Variants in ORC5 observed in about 807,000 individuals in gnomAD.
ORC5 encodes the protein origin recognition complex subunit 5.
A neutral mutation model predicts 58.8 loss-of-function variants in ORC5; 39 were observed. That is an observed-to-expected ratio of 0.66 (90% CI 0.51 to 0.87). The LOEUF is 0.87. ORC5 is among the 40% of genes least tolerant of loss of function. The probability of loss-of-function intolerance (pLI) is 0.00; values close to 1 mark genes in which losing one functional copy is unlikely to be tolerated. For missense variants in ORC5, 493 were observed against 506.3 expected, an observed-to-expected ratio of 0.97 and a Z score of 0.25; for synonymous variants, 218 against 177.6, an observed-to-expected ratio of 1.23 and a Z score of -1.81.
At chr7:104,164,831 A>G (rs142232601) in intron 11 of ORC5, among the ~76,000 whole-genome samples, 194 of 152,246 alleles carry the variant, frequency 1.3e-3, no homozygotes, top group African/African-American at 4.3e-3. Context: ...GGTCACCTCA[A>G]TATCTACCTA....
chr7:104,153,089 C>T (rs1029852836), intron 12 of ORC5, among the ~76,000 whole-genome samples: 3 of 152,110 alleles, frequency 2.0e-5, no homozygotes, highest in Non-Finnish European at 2.9e-5. Context: ...TTTATCCCTG[C>T]GCAGTAAAAT....
At chr7:104,194,095 G>C (rs894425012) in intron 5 of ORC5, among the ~76,000 whole-genome samples, 1 of 132,534 alleles carries the variant, frequency 7.5e-6, no homozygotes, top group South Asian at 2.4e-4. Flanking sequence ...CACAGGTACA[G>C]AGCCTTTTTT....
Position 104,126,750 on chromosome 7 carries a change from G to A in ORC5, c.*98C>T, listed in dbSNP as rs577993299. On this transcript the variant is annotated 3_prime_UTR_variant, in exon 14 of 14. Transcript: ENST00000297431. ...AGCACCTGTTTGGACAAATCCAATA[G>A]AGCCAAAGAACTCCTCTCCTTGGCC... The A allele has an allele frequency of 2.5e-5, 20 of 807,054 alleles. No homozygotes were observed. The African/African-American group carries it at 3.4e-4, about 14-fold the overall frequency. 50.0% of individuals were successfully genotyped at this position (807,054 alleles called of 1,614,324 possible).
chr7:104,126,540 T>G lies in ORC5; in HGVS notation c.*308A>C, dbSNP rs1798431418. ...TCACAGAGCAAAATGTAGTCCTAAG[T>G]AAATGGGTTTCAGGCAATTTCAGTG... On this transcript the variant is annotated 3_prime_UTR_variant, in exon 14 of 14. Coordinates refer to ENST00000297431, the MANE Select transcript of ORC5 (RefSeq NM_002553.4). 1 of 260,876 alleles carries G rather than the reference T, an allele frequency of 3.8e-6. No homozygotes were observed. The highest frequency in any genetic ancestry group is 2.2e-5 in the African/African-American group (1 of 45,200). The allele number at this position is 260,876 out of a possible 1,614,324, so 16.2% of individuals were successfully genotyped here.
chr7:104,127,633 T>C (rs895260488), intron 13 of ORC5, among the ~76,000 whole-genome samples: 1 of 152,222 alleles, frequency 6.6e-6, no homozygotes, highest in Non-Finnish European at 1.5e-5. Flanking sequence ...AGTATTCAAT[T>C]CTGCAAAAAT....
At chr7:104,155,653 G>C (rs1428445905) in intron 12 of ORC5, among the ~76,000 whole-genome samples, 1 of 151,358 alleles carries the variant, frequency 6.6e-6, no homozygotes. Flanking sequence ...CTATACCAAT[G>C]ATTTTAGAAA....
In ORC5 at chr7:104,136,761, C is replaced by T. The variant is rs762896326; in HGVS notation, c.1262+20G>A. 4.8e-6 allele frequency: 7 copies of T among 1,448,042 alleles called. No individual in the cohort carries two copies. In the South Asian group the frequency reaches 8.0e-5, roughly 17 times the overall value. The allele number at this position is 1,448,042 out of a possible 1,614,324, so 89.7% of individuals were successfully genotyped here. On this transcript the variant is annotated intron_variant, in intron 13 of 13. Transcript: ENST00000297431. This position sits in a 1 kb window ranked among gnomAD's most constrained non-coding sequence, Gnocchi z 4.2. ...AATTTTTATATTTAGTATATCATTA[C>T]ATAATTCAAGACATTTTACCTTGCA...
At chr7:104,156,692 T>C (rs144851642) in intron 12 of ORC5, among the ~76,000 whole-genome samples, 303 of 151,884 alleles carry the variant, frequency 2.0e-3, no homozygotes, top group Middle Eastern at 6.9e-3. Flanking sequence ...AACAGGTGAA[T>C]ACAAAAATAA....
intron 9 of ORC5, 109 bp downstream of exon 9, chr7:104,168,364 C>A: frequency 6.7e-7 from 1 of 1,484,712 alleles, no homozygotes; most frequent in Non-Finnish European, 9.0e-7. Flanking sequence ...AGTAAATTCT[C>A]TTTTATAACA....
At chr7:104,184,680 C>T (rs1322916838) in intron 6 of ORC5, among the ~76,000 whole-genome samples, 1 of 151,570 alleles carries the variant, frequency 6.6e-6, no homozygotes, top group Non-Finnish European at 1.5e-5. Flanking sequence ...ACAAGAACAG[C>T]CCTGAAAAGC....
chr7:104,173,996 C>T (rs549580644), intron 8 of ORC5, among the ~76,000 whole-genome samples: 10 of 151,484 alleles, frequency 6.6e-5, no homozygotes, highest in African/African-American at 2.2e-4. Context: ...AGGCGCCCGC[C>T]ACTACGCCCG....
At chr7:104,177,709 T>C (rs1185648740) in intron 8 of ORC5, among the ~76,000 whole-genome samples, 3 of 152,182 alleles carry the variant, frequency 2.0e-5, no homozygotes, top group African/African-American at 7.2e-5. Context: ...TTTGTCCTAA[T>C]GCTCTCCCTC....
intron 12 of ORC5, among the ~76,000 whole-genome samples, chr7:104,142,331 C>T (rs1049800852): frequency 6.6e-6 from 1 of 151,978 alleles, no homozygotes; most frequent in African/African-American, 2.4e-5. Context: ...TTAGTTTTGG[C>T]AATGATTTTT....
At chr7:104,182,044 G>A (rs1290702381) in intron 8 of ORC5, among the ~76,000 whole-genome samples, 2 of 152,132 alleles carry the variant, frequency 1.3e-5, no homozygotes, top group Non-Finnish European at 2.9e-5. Flanking sequence ...CATTGTATTT[G>A]AGTTTTAATC....
chr7:104,169,984 C>T (rs1020196913), intron 8 of ORC5, among the ~76,000 whole-genome samples: 1 of 152,140 alleles, frequency 6.6e-6, no homozygotes, highest in Admixed American at 6.5e-5. Flanking sequence ...ACATCAAGGT[C>T]GTCCTAAGAA....
In ORC5 at chr7:104,155,562, AATT is replaced by A. The variant is rs558791970; in HGVS notation, c.1149+5507_1149+5509del. Among the ~76,000 whole-genome samples, 857 of 151,658 alleles carry A rather than the reference AATT, an allele frequency of 5.7e-3. 9 individuals carry two copies. The highest frequency in any genetic ancestry group is 6.9e-3 in the Non-Finnish European group (466 of 67,600). On this transcript the variant is annotated intron_variant, in intron 12 of 13. Coordinates refer to ENST00000297431, the MANE Select transcript of ORC5 (RefSeq NM_002553.4). ...AGAATTATAGTAAACTACTTTCAAA[AATT>A]ATTTTCCAAAATGCAAATTGATCGA...
At chr7:104,135,253 A>T (rs1411965597) in intron 13 of ORC5, among the ~76,000 whole-genome samples, 1 of 152,196 alleles carries the variant, frequency 6.6e-6, no homozygotes, top group Non-Finnish European at 1.5e-5. Context: ...TTAGATATAA[A>T]GTTCCAATAT....
At chr7:104,180,248 A>C (rs1439342758) in intron 8 of ORC5, among the ~76,000 whole-genome samples, 6 of 152,234 alleles carry the variant, frequency 3.9e-5, no homozygotes. Context: ...TGGGCTTCCC[A>C]TAAGGAGAAG....
At position 104,146,569 on chromosome 7, in the gene ORC5, A is replaced by G. The variant is rs1328193159; in HGVS notation, c.1150-9676T>C. Among the ~76,000 whole-genome samples, 3 of 152,208 alleles carry G rather than the reference A, an allele frequency of 2.0e-5. No homozygotes were observed. The East Asian group carries it at 5.8e-4, about 29-fold the overall frequency. ...AGAAGTTAATTCCCAAGTGTTATATACTATATGATTATGCTTAAACAAATT... is the reference window on the plus strand; with the variant it reads ...AGAAGTTAATTCCCAAGTGTTATATGCTATATGATTATGCTTAAACAAATT... On this transcript the variant is annotated intron_variant, in intron 12 of 13. Coordinates refer to ENST00000297431, the MANE Select transcript of ORC5 (RefSeq NM_002553.4).
Sources: gnomAD v4.1 joint callset for allele counts (sites outside exome capture counted in the v4.1 genomes callset) on GRCh38, gnomAD v4.1.1 for gene constraint, Gnocchi (gnomAD v3.1) non-coding constraint, MANE v1.5 for transcripts, NCBI Gene and HGNC (gene_info 2026-07-23, HGNC 2026-07-21) for gene names.